Variants in CATSPERD observed in about 807,000 individuals in gnomAD.
CATSPERD encodes catsper channel auxiliary subunit delta, also known as cation channel sperm-associated auxiliary subunit delta.
In CATSPERD, 86 loss-of-function variants were observed where a neutral mutation model predicts 98.1. That is an observed-to-expected ratio of 0.88 (90% CI 0.74 to 1.05). CATSPERD has a LOEUF of 1.05. Among genes scored for constraint, CATSPERD ranks in the 50% least tolerant of loss-of-function variants. The pLI, the probability that CATSPERD is intolerant of heterozygous loss-of-function variation, is 0.00. For missense variants in CATSPERD, 995 were observed against 1,005.7 expected (o/e 0.99, Z 0.14); for synonymous variants, 394 against 390.2 (o/e 1.01, Z -0.12).
At chr19:5,748,725 A>AT (rs1302338255) in intron 10 of CATSPERD, among the ~76,000 whole-genome samples, 2 of 65,036 alleles carry the variant, frequency 3.1e-5, no homozygotes, top group African/African-American at 5.2e-5. Flanking sequence ...CTGTCATATT[A>AT]TTCTTTTTTT....
intron 17 of CATSPERD, 22 bp downstream of exon 17, chr19:5,766,177 A>C (rs1419316894): frequency 6.2e-7 from 1 of 1,606,670 alleles, no homozygotes. Context: ...GAGGCCGGGC[A>C]CCATGGCTCA....
chr19:5,776,340 G>A (rs780555013), intron 21 of CATSPERD, 25 bp downstream of exon 21: 13 of 1,609,816 alleles, frequency 8.1e-6, no homozygotes, highest in East Asian at 6.7e-5. Context: ...CTGCCCCTAC[G>A]ACAGGGGACG....
At chr19:5,755,294 T>C (rs939382097) in intron 13 of CATSPERD, among the ~76,000 whole-genome samples, 3 of 152,084 alleles carry the variant, frequency 2.0e-5, no homozygotes, top group African/African-American at 4.8e-5. Flanking sequence ...CAAGTACAGA[T>C]GGTCCCACAA....
chr19:5,759,458 G>A (rs111464639), intron 15 of CATSPERD, among the ~76,000 whole-genome samples: 9 of 151,692 alleles, frequency 5.9e-5, no homozygotes, highest in African/African-American at 2.2e-4. Context: ...TCAGCTACTC[G>A]GGAGGCTGAG....
chr19:5,728,210 T>G (rs1599508254), intron 3 of CATSPERD, among the ~76,000 whole-genome samples: 2 of 150,388 alleles, frequency 1.3e-5, no homozygotes, highest in African/African-American at 2.4e-5. Context: ...ATACAAAAAT[T>G]AGCTGGGCGT....
intron 4 of CATSPERD, among the ~76,000 whole-genome samples, chr19:5,733,007 CT>C (rs901848509): frequency 3.5e-5 from 5 of 144,922 alleles, no homozygotes; most frequent in South Asian, 2.2e-4. Flanking sequence ...CTTTCTTTTT[CT>C]TTTTTTTTTC....
chr19:5,742,932 G>A (rs2056017604), intron 7 of CATSPERD, among the ~76,000 whole-genome samples: 1 of 152,164 alleles, frequency 6.6e-6, no homozygotes. Flanking sequence ...ACCCCCAAAG[G>A]TGTCCACATC....
At chr19:5,765,405 T>C (rs201333945) in intron 16 of CATSPERD, among the ~76,000 whole-genome samples, 9 of 141,036 alleles carry the variant, frequency 6.4e-5, no homozygotes, top group African/African-American at 1.8e-4. Context: ...GCCATTGATT[T>C]ATTCATTCAT....
intron 15 of CATSPERD, among the ~76,000 whole-genome samples, chr19:5,759,406 TA>T (rs981781581): frequency 6.7e-6 from 1 of 149,122 alleles, no homozygotes; most frequent in African/African-American, 2.5e-5. Context: ...TACTAAAAAA[TA>T]AAAAAAAATT....
At chr19:5,722,102 C>A (rs1400371811) in intron 1 of CATSPERD, among the ~76,000 whole-genome samples, 1 of 152,038 alleles carries the variant, frequency 6.6e-6, no homozygotes, top group Non-Finnish European at 1.5e-5. Context: ...CAGGCATGAG[C>A]CACCCATGCC....
At position 5,739,307 on chromosome 19, in the gene CATSPERD, TTC is replaced by T. The variant is rs1473084438; in HGVS notation, c.460-17_460-16del. On this transcript the variant is annotated splice_polypyrimidine_tract_variant and intron_variant, in intron 6 of 21. Transcript: ENST00000381624. ...CTGGCATCTTTCTTTCATTCTTTCTTTCTTTTTTTTTTTTATAGCATGTCAGT... is the reference window on the plus strand; with the variant it reads ...CTGGCATCTTTCTTTCATTCTTTCTTTTTTTTTTTTTTATAGCATGTCAGT... 4 of 1,329,722 alleles carry T rather than the reference TTC, an allele frequency of 3.0e-6. No homozygotes were observed. Among genetic ancestry groups the T allele is most frequent in the East Asian group, 2.3e-5 (1 of 43,492 alleles). The allele number at this position is 1,329,722 out of a possible 1,614,324, so 82.4% of individuals were successfully genotyped here. A position where few individuals can be genotyped will look rare whatever the true frequency, so the allele number is the denominator to read the frequency against.
rs571914920 is a variant in CATSPERD, at chr19:5,727,764, C to T, written c.203+420C>T. ...ACCATGCTTAGCATGCACGTGAGTT[C>T]GTAAGGGTAGCAGGTTAGGAAACCA... On this transcript the variant is annotated intron_variant, in intron 3 of 21. Transcript: ENST00000381624. 4.6e-5 allele frequency among the ~76,000 whole-genome samples: 7 copies of T among 152,150 alleles called. No homozygotes were observed. In the South Asian group the frequency reaches 6.2e-4, roughly 14 times the overall value.
chr19:5,771,124 C>T (rs2056636334), intron 19 of CATSPERD, 52 bp downstream of exon 19: 1 of 1,572,084 alleles, frequency 6.4e-7, no homozygotes, highest in South Asian at 1.2e-5. Context: ...GGGCCTCATG[C>T]TCCCTGGCCC....
At chr19:5,749,629 G>A (rs923679603) in intron 11 of CATSPERD, among the ~76,000 whole-genome samples, 1 of 151,908 alleles carries the variant, frequency 6.6e-6, no homozygotes, top group Admixed American at 6.6e-5. Flanking sequence ...AGGCACCTTC[G>A]TGTATTACAT....
intron 19 of CATSPERD, among the ~76,000 whole-genome samples, chr19:5,771,616 G>A (rs902772619): frequency 1.3e-5 from 2 of 151,146 alleles, no homozygotes; most frequent in Admixed American, 6.6e-5. Flanking sequence ...TGTCACCCAG[G>A]CTGGAGTGCA....
chr19:5,734,654 A>G (rs2055806550), intron 5 of CATSPERD, among the ~76,000 whole-genome samples: 1 of 149,092 alleles, frequency 6.7e-6, no homozygotes, highest in African/African-American at 2.4e-5. Flanking sequence ...AAAAAAAATT[A>G]GCTGGGTGTG....
intron 15 of CATSPERD, among the ~76,000 whole-genome samples, chr19:5,762,050 ATATATATATTTTT>A (rs2056446503): frequency 5.0e-5 from 1 of 20,044 alleles, no homozygotes; most frequent in African/African-American, 1.4e-4. Flanking sequence ...CCATATATAT[ATATATATATTTTT>A]TTTTTTTTTT....
intron 19 of CATSPERD, chr19:5,772,148 A>G (rs768408133): frequency 4.9e-6 from 2 of 407,318 alleles, no homozygotes; most frequent in South Asian, 1.7e-5. Flanking sequence ...CCCAGGCTCA[A>G]GCGGTCCTCC....
intron 4 of CATSPERD, among the ~76,000 whole-genome samples, chr19:5,731,560 GTTTTTTTTTTTTTT>G (rs67541709): frequency 5.3e-5 from 4 of 75,724 alleles, no homozygotes; most frequent in Admixed American, 2.3e-4. Flanking sequence ...ACACTTAACA[GTTTTTTTTTTTTTT>G]TTTTTTTTTT....
Sources: allele counts gnomAD v4.1 joint callset (sites outside exome capture counted in the v4.1 genomes callset), GRCh38; gene constraint gnomAD v4.1.1; transcripts MANE v1.5; gene names NCBI Gene and HGNC (gene_info 2026-07-23, HGNC 2026-07-21).